Variants in IAH1 observed in about 807,000 individuals in gnomAD.
IAH1 encodes isoamyl acetate hydrolyzing esterase 1 (putative), also known as isoamyl acetate-hydrolyzing esterase 1 homolog.
IAH1 carries 24 observed loss-of-function variants against 26.7 expected under a neutral mutation model. The observed-to-expected ratio is 0.90, with a 90% CI of 0.65 to 1.26. The LOEUF (loss-of-function observed/expected upper bound fraction) is 1.26. IAH1 is among the 50% of genes most tolerant of loss of function. The pLI is 0.00. For missense variants in IAH1, 300 were observed against 299.9 expected, an observed-to-expected ratio of 1.00 and a Z score of 0.00; for synonymous variants, 140 against 118.5, an observed-to-expected ratio of 1.18 and a Z score of -1.18.
At chr2:9,490,168 A>G (rs1239301502), downstream of IAH1, 1 of 1,582,722 alleles carries the variant, frequency 6.3e-7, no homozygotes, top group Non-Finnish European at 8.6e-7. Flanking sequence ...AGAAGAGCTG[A>G]GAACTAAATT....
the IAH1 span, chr2:9,506,648 GCCA>G: frequency 1.3e-5 from 2 of 152,442 alleles, no homozygotes; most frequent in African/African-American, 2.4e-5. Context: ...ACAGGCGTGA[GCCA>G]CCGCGCCCGG....
chr2:9,484,637 G>T, intron 5 of IAH1, 87 bp downstream of exon 5: 1 of 839,268 alleles, frequency 1.2e-6, no homozygotes, highest in South Asian at 1.5e-5. Flanking sequence ...CCCTAGAAAG[G>T]CCCTGCTTAG....
chr2:9,488,611 T>C lies in IAH1; in HGVS notation c.*282T>C, dbSNP rs1661781089. 7.9e-6 allele frequency: 2 copies of C among 253,198 alleles called. No homozygotes were observed. The highest frequency in any genetic ancestry group is 2.2e-5 in the African/African-American group (1 of 44,936). 15.7% of individuals were successfully genotyped at this position (253,198 alleles called of 1,614,324 possible). On this transcript the variant is annotated 3_prime_UTR_variant, in exon 6 of 6. Transcript: ENST00000497473. Reference sequence around the variant, plus strand: ...TTAAAAAGTCACAATTTTATAAAAATGGTTTTTCTTACATTCTTTTGAGAA... The same window carrying C: ...TTAAAAAGTCACAATTTTATAAAAACGGTTTTTCTTACATTCTTTTGAGAA...
intron 1 of IAH1, chr2:9,475,701 A>C (rs546883442): frequency 3.7e-5 from 17 of 456,450 alleles, no homozygotes. Context: ...GGGTTTCGCC[A>C]TGTTGACCAG....
chr2:9,491,228 CCTAACA>C (rs1662117637), downstream of IAH1: 3 of 1,331,206 alleles, frequency 2.3e-6, no homozygotes, highest in Non-Finnish European at 3.2e-6. Context: ...ACAGGCTATT[CCTAACA>C]CTAACTGAAG....
At chr2:9,497,048 G>T, downstream of IAH1, 1 of 1,577,664 alleles carries the variant, frequency 6.3e-7, no homozygotes, top group Non-Finnish European at 8.6e-7. Context: ...CCAAATGGAG[G>T]AAGGGAGCCT....
downstream of IAH1, among the ~76,000 whole-genome samples, chr2:9,492,540 A>G (rs2124958518): frequency 6.6e-6 from 1 of 152,316 alleles, no homozygotes; most frequent in South Asian, 2.1e-4. Flanking sequence ...TGAAATGCCG[A>G]TGTTTGATAT....
downstream of IAH1, chr2:9,490,483 C>G (rs1016756984): frequency 3.1e-6 from 5 of 1,613,786 alleles, no homozygotes; most frequent in Admixed American, 3.3e-5. Flanking sequence ...TAATGCGAAC[C>G]GATGCAGAAT....
rs755519050 is a variant in IAH1, at chr2:9,474,566, C to A, written c.-1C>A. On this transcript the variant is annotated 5_prime_UTR_variant, in exon 1 of 6. Transcript: ENST00000497473. The surrounding 1 kb of genome is among the most constrained non-coding windows in gnomAD (Gnocchi z 4.3). ...CCCGCCCCGCCCCGCCCGGCTGCTC[C>A]ATGGCGCTGTGCGAGGCCGCGGGCT... is the stretch of plus-strand genomic sequence containing the variant. 4.0e-6 allele frequency: 6 copies of A among 1,494,134 alleles called. No individual in the cohort carries two copies. Among genetic ancestry groups the A allele is most frequent in the African/African-American group, 2.9e-5 (2 of 68,414 alleles). The allele number at this position is 1,494,134 out of a possible 1,614,324, so 92.6% of individuals were successfully genotyped here.
rs1261130728 is a variant in IAH1, at chr2:9,478,096, T to TG, written c.135-121dup. 4 of 756,990 alleles carry TG rather than the reference T, an allele frequency of 5.3e-6. No homozygotes were observed. In the South Asian group the frequency reaches 6.3e-5, roughly 12 times the overall value. The allele number at this position is 756,990 out of a possible 1,614,324, so 46.9% of individuals were successfully genotyped here. ...TTCTTGCTCCTATCAAAGTGAAACC[T>TG]GGGGGTGGCTCAGAGACACGTGACG... On this transcript the variant is annotated intron_variant, in intron 2 of 5. Coordinates refer to ENST00000497473, the MANE Select transcript of IAH1 (RefSeq NM_001039613.3).
chr2:9,510,038 G>C, the IAH1 span: 1 of 1,614,040 alleles, frequency 6.2e-7, no homozygotes, highest in Non-Finnish European at 8.5e-7. Context: ...TTCCCTCCCT[G>C]GTCCTCATTC....
At chr2:9,505,218 T>C in the IAH1 span, 5 of 1,614,176 alleles carry the variant, frequency 3.1e-6, no homozygotes, top group Non-Finnish European at 4.2e-6. Context: ...CAGGTGTCGT[T>C]GTTCAGATAC....
downstream of IAH1, chr2:9,490,560 T>C: frequency 6.4e-7 from 1 of 1,552,120 alleles, no homozygotes; most frequent in Non-Finnish European, 8.7e-7. Flanking sequence ...GAATAAAAGA[T>C]GAATCGGAGG....
At chr2:9,501,152 A>G (rs1399832592), downstream of IAH1, among the ~76,000 whole-genome samples, 1 of 152,220 alleles carries the variant, frequency 6.6e-6, no homozygotes, top group African/African-American at 2.4e-5. Context: ...AATGAACCAA[A>G]TATATGAACT....
chr2:9,495,065 T>C (rs1662467188), intron 6 of IAH1, among the ~76,000 whole-genome samples: 1 of 152,190 alleles, frequency 6.6e-6, no homozygotes, highest in Admixed American at 6.5e-5. Context: ...CTCACAATGC[T>C]CTTCTAAATG....
downstream of IAH1, chr2:9,490,308 A>G (rs1233519576): frequency 6.2e-7 from 1 of 1,614,044 alleles, no homozygotes; most frequent in African/African-American, 1.3e-5. Context: ...CTATTTGGGA[A>G]GGGGTCCTTC....
chr2:9,474,903 TGCCCGCCCCGCGCC>T lies in IAH1; in HGVS notation c.81+260_81+273del. On this transcript the variant is annotated intron_variant, in intron 1 of 5. Transcript: ENST00000497473. This position sits in a 1 kb window ranked among gnomAD's most constrained non-coding sequence, Gnocchi z 4.3. Reference sequence around the variant, plus strand: ...CAGACGCGAGGGGACCCGGCCGCGCTGCCCGCCCCGCGCCGCCTCCCACCCGGGTCGAGATGCGC... The same window carrying T: ...CAGACGCGAGGGGACCCGGCCGCGCTGCCTCCCACCCGGGTCGAGATGCGC... 1 of 612,870 alleles carries T rather than the reference TGCCCGCCCCGCGCC, an allele frequency of 1.6e-6. No homozygotes were observed. The highest frequency in any genetic ancestry group is 2.2e-6 in the Non-Finnish European group (1 of 452,848). The allele number at this position is 612,870 out of a possible 1,614,324, so 38.0% of individuals were successfully genotyped here.
At chr2:9,479,795 C>CTTTTTTTTTT (rs5829216) in intron 3 of IAH1, among the ~76,000 whole-genome samples, 12 of 69,870 alleles carry the variant, frequency 1.7e-4, no homozygotes, top group Non-Finnish European at 2.3e-4. Context: ...CTGTGTATTG[C>CTTTTTTTTTT]TTTTTTTTTT....
intron 4 of IAH1, among the ~76,000 whole-genome samples, chr2:9,482,764 A>G (rs1661258129): frequency 6.6e-6 from 1 of 152,250 alleles, no homozygotes; most frequent in African/African-American, 2.4e-5. Context: ...CACAAACAGC[A>G]TATGCCAAGG....
Sources: allele counts gnomAD v4.1 joint callset (sites outside exome capture counted in the v4.1 genomes callset), GRCh38; gene constraint gnomAD v4.1.1; non-coding constraint Gnocchi (gnomAD v3.1); transcripts MANE v1.5; gene names NCBI Gene and HGNC (gene_info 2026-07-23, HGNC 2026-07-21).